Variants in PSD3 observed in about 807,000 individuals in gnomAD.
The protein encoded by PSD3 is pleckstrin and Sec7 domain containing 3.
PSD3 carries 49 observed loss-of-function variants against 105.5 expected under a neutral mutation model. The observed-to-expected ratio is 0.46, with a 90% CI of 0.37 to 0.59. PSD3 has a LOEUF of 0.59. PSD3 is among the 20% of genes least tolerant of loss of function. The pLI, the probability that PSD3 is intolerant of heterozygous loss-of-function variation, is 0.00. For synonymous variants in PSD3, 557 were observed against 457.8 expected, an observed-to-expected ratio of 1.22 and a Z score of -2.77; for missense variants, 1,561 against 1,263.8, an observed-to-expected ratio of 1.24 and a Z score of -3.57.
chr8:19,053,506 G>C (rs1828601466), intron 1 of PSD3, among the ~76,000 whole-genome samples: 1 of 152,114 alleles, frequency 6.6e-6, no homozygotes, highest in Non-Finnish European at 1.5e-5. Context: ...GCCTAATCAA[G>C]AGGGAACACA....
At chr8:18,985,542 C>T (rs768344214) in intron 1 of PSD3, among the ~76,000 whole-genome samples, 4 of 152,160 alleles carry the variant, frequency 2.6e-5, no homozygotes, top group South Asian at 2.1e-4. Flanking sequence ...GATTTGGGGT[C>T]TTTGCTTAAG....
intron 4 of PSD3, among the ~76,000 whole-genome samples, chr8:18,835,490 A>T (rs1187760653): frequency 6.6e-6 from 1 of 152,214 alleles, no homozygotes; most frequent in Non-Finnish European, 1.5e-5. Flanking sequence ...GGAGTGACCA[A>T]AACAAGACAA....
At chr8:18,889,654 C>CA in intron 2 of PSD3, among the ~76,000 whole-genome samples, 2 of 152,314 alleles carry the variant, frequency 1.3e-5, no homozygotes, top group East Asian at 3.9e-4. Context: ...GCTCCCATCC[C>CA]AACCTGGTGT....
At chr8:18,746,578 T>G (rs1805048267) in intron 9 of PSD3, among the ~76,000 whole-genome samples, 1 of 152,202 alleles carries the variant, frequency 6.6e-6, no homozygotes, top group Non-Finnish European at 1.5e-5. Flanking sequence ...TCTGCATCAG[T>G]AATAGTTTCA....
chr8:19,065,282 T>G (rs1186471931), intron 1 of PSD3, among the ~76,000 whole-genome samples: 1 of 152,110 alleles, frequency 6.6e-6, no homozygotes, highest in Non-Finnish European at 1.5e-5. Flanking sequence ...TGACCAAACG[T>G]GTGTGTGGTG....
chr8:18,776,387 T>A (rs1335555694), intron 8 of PSD3, among the ~76,000 whole-genome samples: 1 of 146,394 alleles, frequency 6.8e-6, no homozygotes, highest in African/African-American at 2.5e-5. Context: ...TATATAATTT[T>A]TTTTTTTTGT....
chr8:19,050,039 C>G lies in PSD3; in HGVS notation c.324+34167G>C, dbSNP rs557239315. 2.6e-4 allele frequency among the ~76,000 whole-genome samples: 40 copies of G among 152,286 alleles called. No homozygotes were observed. In the East Asian group the frequency reaches 7.5e-3, roughly 29 times the overall value. On this transcript the variant is annotated intron_variant, in intron 1 of 1. Coordinates refer to the PSD3 transcript ENST00000521475. Reference sequence around the variant, plus strand: ...GCTTTGAAAACATAACACTTTTGTTCAAACATGCCAATCAACTCGTGATGG... The same window carrying G: ...GCTTTGAAAACATAACACTTTTGTTGAAACATGCCAATCAACTCGTGATGG...
chr8:19,044,256 T>G (rs1338464759), intron 1 of PSD3, among the ~76,000 whole-genome samples: 12 of 152,250 alleles, frequency 7.9e-5, no homozygotes, highest in African/African-American at 2.9e-4. Flanking sequence ...ACTATTGAAT[T>G]ACTGCTCCGG....
chr8:18,588,553 T>A (rs1803362638), intron 12 of PSD3, among the ~76,000 whole-genome samples: 1 of 152,316 alleles, frequency 6.6e-6, no homozygotes, highest in East Asian at 1.9e-4. Context: ...TAACCCATGA[T>A]TCTACTATTC....
Position 18,615,630 on chromosome 8 carries a change from G to A in PSD3, c.2411-15196C>T, listed in dbSNP as rs189603095. On this transcript the variant is annotated intron_variant, in intron 11 of 15. Coordinates refer to ENST00000327040, the MANE Select transcript of PSD3 (RefSeq NM_015310.4). ...TGATCAAGAAAATCAAGCATACTAT[G>A]ATTTTTTTCATAATATCTAGAGCAG... 3.8e-3 allele frequency among the ~76,000 whole-genome samples: 574 copies of A among 152,324 alleles called. 4 individuals carry two copies. The highest frequency in any genetic ancestry group is 3.2e-3 in the Non-Finnish European group (216 of 68,018).
chr8:18,814,919 C>T (rs1812079358), intron 4 of PSD3, among the ~76,000 whole-genome samples: 2 of 152,158 alleles, frequency 1.3e-5, no homozygotes, highest in South Asian at 4.1e-4. Flanking sequence ...GCACAAAGCA[C>T]AAAGTAGACA....
chr8:18,919,134 C>A (rs1197303060), intron 2 of PSD3, among the ~76,000 whole-genome samples: 1 of 152,050 alleles, frequency 6.6e-6, no homozygotes, highest in African/African-American at 2.4e-5. Flanking sequence ...GGATATTATG[C>A]CTCAGAGTTT....
At chr8:18,828,068 T>TATATATATATATA (rs1554515387) in intron 4 of PSD3, among the ~76,000 whole-genome samples, 38 of 83,298 alleles carry the variant, frequency 4.6e-4, no homozygotes, top group African/African-American at 1.8e-3. Flanking sequence ...TATATATATA[T>TATATATATATATA]TTTTTTTTTT....
intron 11 of PSD3, among the ~76,000 whole-genome samples, chr8:18,630,667 T>TCAAAGAAA (rs1806830346): frequency 6.6e-6 from 1 of 151,924 alleles, no homozygotes; most frequent in Non-Finnish European, 1.5e-5. Flanking sequence ...TATTCTTTTT[T>TCAAAGAAA]TTTTCTCTAG....
At chr8:18,790,856 G>C (rs1410791294) in intron 8 of PSD3, among the ~76,000 whole-genome samples, 1 of 151,706 alleles carries the variant, frequency 6.6e-6, no homozygotes, top group East Asian at 2.0e-4. Context: ...GCTTCTCAAG[G>C]TGATAAGCAA....
At chr8:18,955,421 A>G (rs1823506388) in intron 1 of PSD3, among the ~76,000 whole-genome samples, 1 of 152,188 alleles carries the variant, frequency 6.6e-6, no homozygotes, top group Non-Finnish European at 1.5e-5. Flanking sequence ...TTTTAATAAT[A>G]TAATTGTTAA....
At chr8:18,803,493 C>T (rs1032863686) in intron 6 of PSD3, among the ~76,000 whole-genome samples, 3 of 151,056 alleles carry the variant, frequency 2.0e-5, no homozygotes, top group African/African-American at 4.9e-5. Flanking sequence ...AATATTTGTC[C>T]ACTCATGTTC....
intron 1 of PSD3, among the ~76,000 whole-genome samples, chr8:19,025,384 C>G (rs1351769528): frequency 6.6e-6 from 1 of 151,680 alleles, no homozygotes; most frequent in Middle Eastern, 3.4e-3. Flanking sequence ...ATGACTCACT[C>G]TCTTGAGTAC....
chr8:18,856,127 C>G (rs1815988725), intron 4 of PSD3, among the ~76,000 whole-genome samples: 1 of 152,260 alleles, frequency 6.6e-6, no homozygotes, highest in Non-Finnish European at 1.5e-5. Flanking sequence ...TCCACGCCAC[C>G]CACAACCCTT....
Sources: gnomAD v4.1 joint callset for allele counts (sites outside exome capture counted in the v4.1 genomes callset) on GRCh38, gnomAD v4.1.1 for gene constraint, MANE v1.5 for transcripts, NCBI Gene and HGNC (gene_info 2026-07-23, HGNC 2026-07-21) for gene names.